Variants in MMS19 observed in about 807,000 individuals in gnomAD.
The protein encoded by MMS19 is MMS19 nucleotide excision repair protein homolog.
Under a neutral mutation model 129.8 loss-of-function variants are expected in MMS19, and 77 were observed. That is an observed-to-expected ratio of 0.59 (90% CI 0.49 to 0.72). The LOEUF (loss-of-function observed/expected upper bound fraction) is 0.72, where lower values mean the gene tolerates loss of function less well. Among genes scored for constraint, MMS19 ranks in the 30% least tolerant of loss-of-function variants. The probability of loss-of-function intolerance (pLI) is 0.00; values close to 1 mark genes in which losing one functional copy is unlikely to be tolerated. For missense variants in MMS19, 1,168 were observed against 1,266.3 expected (o/e 0.92, Z 1.18); for synonymous variants, 491 against 502.8 (o/e 0.98, Z 0.31).
intron 1 of MMS19, among the ~76,000 whole-genome samples, chr10:97,491,956 C>T (rs1254815175): frequency 2.0e-5 from 3 of 151,318 alleles, no homozygotes; most frequent in Non-Finnish European, 4.4e-5. Context: ...GTCTGGCCAA[C>T]GTGGCAAAAA....
intron 13 of MMS19, 34 bp downstream of exon 13, chr10:97,468,218 C>A: frequency 6.6e-7 from 1 of 1,509,624 alleles, no homozygotes; most frequent in Non-Finnish European, 8.9e-7. Flanking sequence ...GCACACAGGT[C>A]CCATCATTTC....
chr10:97,468,615 A>G (rs2034015790), intron 12 of MMS19, among the ~76,000 whole-genome samples: 1 of 151,920 alleles, frequency 6.6e-6, no homozygotes, highest in Admixed American at 6.6e-5. Context: ...AAGGAATGTC[A>G]TTTGTTTTTT....
At chr10:97,470,531 T>C (rs1021904182) in intron 9 of MMS19, among the ~76,000 whole-genome samples, 2 of 152,162 alleles carry the variant, frequency 1.3e-5, no homozygotes, top group Non-Finnish European at 2.9e-5. Flanking sequence ...AGTGATCCTT[T>C]CCACTCAGAC....
chr10:97,479,073 T>A (rs550217455), intron 3 of MMS19, among the ~76,000 whole-genome samples: 27 of 152,236 alleles, frequency 1.8e-4, no homozygotes, highest in Non-Finnish European at 3.8e-4. Context: ...AGGGGTTCCC[T>A]CTCTTGGCTT....
intron 1 of MMS19, among the ~76,000 whole-genome samples, chr10:97,489,575 T>C (rs2038524234): frequency 6.6e-6 from 1 of 152,238 alleles, no homozygotes; most frequent in African/African-American, 2.4e-5. Context: ...ATACACACTA[T>C]TAACTAAACT....
Position 97,484,839 on chromosome 10 carries a change from C to T in MMS19, c.113-688G>A, listed in dbSNP as rs181092047. The stretch of plus-strand genomic sequence containing the variant: ...GGCTGAGGCAGGAGAATCACTTGAA[C>T]CCTGGAGTGCAGTGGTATAATCACA... On this transcript the variant is annotated intron_variant, in intron 1 of 30. Coordinates refer to ENST00000438925, the MANE Select transcript of MMS19 (RefSeq NM_022362.5). Among the ~76,000 whole-genome samples the T allele has an allele frequency of 1.5e-3, 224 of 152,056 alleles. 2 individuals are homozygous for T. The highest frequency in any genetic ancestry group is 5.0e-3 in the African/African-American group (209 of 41,538).
chr10:97,484,729 A>G (rs1458136226), intron 1 of MMS19, among the ~76,000 whole-genome samples: 4 of 152,184 alleles, frequency 2.6e-5, no homozygotes, highest in Admixed American at 2.6e-4. Context: ...CATCCTGGCT[A>G]ACACGGTGAA....
chr10:97,487,920 C>A (rs1056658232), intron 1 of MMS19, among the ~76,000 whole-genome samples: 1 of 149,986 alleles, frequency 6.7e-6, no homozygotes, highest in African/African-American at 2.4e-5. Context: ...AGTTTGAGAC[C>A]AGCCTAGCCA....
At chr10:97,497,320 A>T (rs1183978725) in intron 1 of MMS19, among the ~76,000 whole-genome samples, 18 of 152,254 alleles carry the variant, frequency 1.2e-4, no homozygotes, top group Non-Finnish European at 2.9e-5. Context: ...ACAAAGTATT[A>T]TATTTCTAGC....
In MMS19 at chr10:97,460,910, G is replaced by A. The variant is rs141769997; in HGVS notation, c.2409C>T (p.Leu803=). 6.3e-7 allele frequency: 1 copy of A among 1,577,222 alleles called. No individual in the cohort carries two copies. Among genetic ancestry groups the A allele is most frequent in the Non-Finnish European group, 8.6e-7 (1 of 1,160,352 alleles). The change falls in exon 24 of 31, where the codon CTC becomes CTT. Residue 803 remains leucine (L), a synonymous_variant. Transcript: ENST00000438925. The part of the protein sequence containing the change: ...PCRSQAFTLL[L]WVTKALVLRY... ...AGACTCCACTCCAACTCCTTACCCA[G>A]AGAAGAAGAGTGAAGGCCTGACTAC...
At chr10:97,468,861 G>A (rs545319277) in intron 12 of MMS19, 105 bp downstream of exon 12, 14 of 1,231,864 alleles carry the variant, frequency 1.1e-5, no homozygotes, top group Admixed American at 2.6e-5. Context: ...CACCCGCCTC[G>A]GCCTCCTAAA....
At chr10:97,488,909 A>G (rs1167123070) in intron 1 of MMS19, among the ~76,000 whole-genome samples, 1 of 152,202 alleles carries the variant, frequency 6.6e-6, no homozygotes, top group East Asian at 1.9e-4. Flanking sequence ...ATTATAGTAC[A>G]TCCATACAAT....
intron 14 of MMS19, among the ~76,000 whole-genome samples, chr10:97,467,185 G>A (rs113494092): frequency 1.3e-5 from 2 of 152,102 alleles, no homozygotes; most frequent in Admixed American, 1.3e-4. Context: ...CACCATATTG[G>A]CCAGGCTGGT....
At chr10:97,460,422 T>C in intron 25 of MMS19, 190 bp from the exon 26 acceptor site, 1 of 630,772 alleles carries the variant, frequency 1.6e-6, no homozygotes. Flanking sequence ...AATACAAACA[T>C]TAGTTGGGTG....
intron 8 of MMS19, among the ~76,000 whole-genome samples, chr10:97,475,016 A>G (rs758580535): frequency 5.3e-5 from 8 of 152,246 alleles, no homozygotes; most frequent in Non-Finnish European, 1.0e-4. Flanking sequence ...CATTATATTC[A>G]TATGTATGAA....
At chr10:97,493,899 C>T (rs1255344261) in intron 1 of MMS19, among the ~76,000 whole-genome samples, 1 of 152,070 alleles carries the variant, frequency 6.6e-6, no homozygotes, top group East Asian at 1.9e-4. Flanking sequence ...CTTGTGATCC[C>T]AGCTACTCGG....
At position 97,460,796 on chromosome 10, in the gene MMS19, C is replaced by T. The variant is rs1273297926; in HGVS notation, c.2413-45G>A. The T allele has an allele frequency of 2.6e-6, 4 of 1,561,464 alleles. No individual in the cohort carries two copies. The East Asian group carries it at 9.3e-5, about 36-fold the overall frequency. ...GAGCAATTGGGGAATGACACTCAAACCCGAGAACCCTGAGACATAGATGTT... is the reference window on the plus strand; with the variant it reads ...GAGCAATTGGGGAATGACACTCAAATCCGAGAACCCTGAGACATAGATGTT... On this transcript the variant is annotated intron_variant, in intron 24 of 30. Coordinates refer to ENST00000438925, the MANE Select transcript of MMS19 (RefSeq NM_022362.5).
In MMS19 at chr10:97,470,040, T is replaced by G; in HGVS notation, c.846+89A>C. 1.3e-5 allele frequency: 12 copies of G among 944,290 alleles called. No homozygotes were observed. In the South Asian group the frequency reaches 1.7e-4, roughly 13 times the overall value. The allele number at this position is 944,290 out of a possible 1,614,324, so 58.5% of individuals were successfully genotyped here. ...GTATCCTCTTCTGAGGCCCATGAAC[T>G]GTTCCTTGGCTATCCTAGAATCTAT... is the stretch of plus-strand genomic sequence containing the variant. On this transcript the variant is annotated intron_variant, in intron 10 of 30. Transcript: ENST00000438925.
chr10:97,475,560 C>T (rs796984853), intron 8 of MMS19, among the ~76,000 whole-genome samples: 39 of 152,246 alleles, frequency 2.6e-4, no homozygotes, highest in African/African-American at 9.4e-4. Flanking sequence ...GATGGTGAAA[C>T]CCCATTTCTA....
Sources: allele counts gnomAD v4.1 joint callset (sites outside exome capture counted in the v4.1 genomes callset), GRCh38; gene constraint gnomAD v4.1.1; transcripts MANE v1.5; gene names NCBI Gene and HGNC (gene_info 2026-07-23, HGNC 2026-07-21).